PLPPR1: variants seen among roughly 807,000 people sequenced by gnomAD.
PLPPR1 encodes phospholipid phosphatase-related protein type 1.
In PLPPR1, 10 loss-of-function variants were observed where a neutral mutation model predicts 33.1. The observed-to-expected ratio is 0.30, with a 90% CI of 0.19 to 0.51. PLPPR1 has a LOEUF of 0.51. Among genes scored for constraint, PLPPR1 ranks in the 20% least tolerant of loss-of-function variants. PLPPR1 has a pLI of 0.97. For synonymous variants in PLPPR1, 151 were observed against 151.0 expected (o/e 1.00, Z 0.00); for missense variants, 304 against 408.1 (o/e 0.74, Z 2.20).
At position 101,272,750 on chromosome 9, in the gene PLPPR1, A is replaced by G. The variant is rs190707818; in HGVS notation, c.252+2682A>G. Among the ~76,000 whole-genome samples, 80 of 152,350 alleles carry G rather than the reference A, an allele frequency of 5.3e-4. No homozygotes were observed. The South Asian group carries it at 8.3e-3, about 16-fold the overall frequency. Reference sequence around the variant, plus strand: ...TTAAAGGATACAGCATTTTTCTCATATAAAATTGGCAAATGTTTTCAAAGA... The same window carrying G: ...TTAAAGGATACAGCATTTTTCTCATGTAAAATTGGCAAATGTTTTCAAAGA... On this transcript the variant is annotated intron_variant, in intron 3 of 7. Coordinates refer to ENST00000374874, the MANE Select transcript of PLPPR1 (RefSeq NM_207299.2).
At chr9:101,109,108 G>A (rs1463802491) in intron 1 of PLPPR1, among the ~76,000 whole-genome samples, 60 of 146,388 alleles carry the variant, frequency 4.1e-4, no homozygotes, top group South Asian at 1.3e-3. Flanking sequence ...ACAGGCGCCC[G>A]CCACCACGCC....
chr9:101,111,954 C>T (rs1183289179), intron 1 of PLPPR1, among the ~76,000 whole-genome samples: 2 of 152,124 alleles, frequency 1.3e-5, no homozygotes, highest in South Asian at 2.1e-4. Flanking sequence ...ATAGATACAG[C>T]GTTGCTTCAG....
intron 4 of PLPPR1, among the ~76,000 whole-genome samples, chr9:101,288,877 GC>G (rs1284706278): frequency 6.6e-6 from 1 of 152,112 alleles, no homozygotes; most frequent in Admixed American, 6.5e-5. Context: ...ATTCACCCCA[GC>G]CCCACAAAGC....
intron 1 of PLPPR1, among the ~76,000 whole-genome samples, chr9:101,068,537 C>G (rs1324143948): frequency 6.6e-6 from 1 of 151,922 alleles, no homozygotes; most frequent in Non-Finnish European, 1.5e-5. Flanking sequence ...TGAGATTGCT[C>G]TAATGCTGAA....
At chr9:101,134,560 T>A (rs1831355021) in intron 1 of PLPPR1, among the ~76,000 whole-genome samples, 1 of 151,960 alleles carries the variant, frequency 6.6e-6, no homozygotes, top group Non-Finnish European at 1.5e-5. Context: ...ATTTTTTATT[T>A]TTTTGTAGAG....
chr9:101,181,034 C>T (rs1826100791), intron 1 of PLPPR1, among the ~76,000 whole-genome samples: 1 of 150,558 alleles, frequency 6.6e-6, no homozygotes, highest in Non-Finnish European at 1.5e-5. Context: ...AACTCAATAG[C>T]AATAAAACAA....
At chr9:101,237,819 A>G (rs1186753000) in intron 2 of PLPPR1, among the ~76,000 whole-genome samples, 3 of 88,548 alleles carry the variant, frequency 3.4e-5, no homozygotes, top group Non-Finnish European at 6.5e-5. Flanking sequence ...TTGTGTGCAT[A>G]TATATATATA....
intron 1 of PLPPR1, among the ~76,000 whole-genome samples, chr9:101,154,801 G>T (rs1012895412): frequency 1.3e-5 from 2 of 152,040 alleles, no homozygotes; most frequent in East Asian, 1.9e-4. Context: ...ATGAGTTCAT[G>T]TCCTTTGTAG....
At chr9:101,110,591 T>C (rs1459619129) in intron 1 of PLPPR1, among the ~76,000 whole-genome samples, 3 of 152,168 alleles carry the variant, frequency 2.0e-5, no homozygotes, top group Admixed American at 6.5e-5. Flanking sequence ...TCCAGGCCAC[T>C]AAATCTAGTA....
At chr9:101,056,605 A>G (rs1427838126) in intron 1 of PLPPR1, among the ~76,000 whole-genome samples, 1 of 152,204 alleles carries the variant, frequency 6.6e-6, no homozygotes, top group Non-Finnish European at 1.5e-5. Flanking sequence ...CCAGAATATT[A>G]TGAAAATGCA....
intron 2 of PLPPR1, among the ~76,000 whole-genome samples, chr9:101,229,562 G>A (rs1235895929): frequency 1.3e-5 from 2 of 151,918 alleles, no homozygotes; most frequent in African/African-American, 4.8e-5. Context: ...ATTTCATGCT[G>A]TATTTCACAG....
At chr9:101,060,814 C>T (rs1391360648) in intron 1 of PLPPR1, among the ~76,000 whole-genome samples, 1 of 151,852 alleles carries the variant, frequency 6.6e-6, no homozygotes, top group East Asian at 1.9e-4. Context: ...TATTAAAACA[C>T]TTTCAAAATT....
chr9:101,064,170 T>C (rs1334696009), intron 1 of PLPPR1, among the ~76,000 whole-genome samples: 5 of 152,110 alleles, frequency 3.3e-5, no homozygotes, highest in Non-Finnish European at 7.4e-5. Context: ...CAACTCATTC[T>C]TGAATTATTT....
intron 6 of PLPPR1, among the ~76,000 whole-genome samples, chr9:101,314,518 C>A (rs1458020670): frequency 6.6e-6 from 1 of 151,800 alleles, no homozygotes; most frequent in Non-Finnish European, 1.5e-5. Flanking sequence ...AAGCTAGGCA[C>A]ACAATTTTTT....
At chr9:101,283,272 T>A (rs886504052) in intron 3 of PLPPR1, among the ~76,000 whole-genome samples, 2 of 152,186 alleles carry the variant, frequency 1.3e-5, no homozygotes, top group Admixed American at 1.3e-4. Context: ...CTAAATATAC[T>A]ACAAGGCTAT....
At chr9:101,158,123 G>T (rs1221025957) in intron 1 of PLPPR1, among the ~76,000 whole-genome samples, 1 of 152,150 alleles carries the variant, frequency 6.6e-6, no homozygotes, top group South Asian at 2.1e-4. Context: ...AAAAGTGTTA[G>T]TTGGGTTTGG....
intron 2 of PLPPR1, among the ~76,000 whole-genome samples, chr9:101,207,465 T>C (rs988540842): frequency 1.3e-5 from 2 of 152,090 alleles, no homozygotes; most frequent in African/African-American, 4.8e-5. Context: ...CTCTGAACAA[T>C]TGGGTATTCT....
In PLPPR1 at chr9:101,094,271, G is replaced by A. The variant is rs185750330; in HGVS notation, c.-46+65169G>A. 2.5e-3 allele frequency among the ~76,000 whole-genome samples: 385 copies of A among 152,150 alleles called. 1 individual carries two copies. Among genetic ancestry groups the A allele is most frequent in the Non-Finnish European group, 4.0e-3 (271 of 67,994 alleles). The stretch of plus-strand genomic sequence containing the variant: ...TGGTTCTAACCTTCCTCTATAGCTC[G>A]CATTTTTTCTATTCTCTGTATAGTA... On this transcript the variant is annotated intron_variant, in intron 1 of 7. Transcript: ENST00000374874.
chr9:101,225,721 C>T (rs1487510086), intron 2 of PLPPR1, among the ~76,000 whole-genome samples: 1 of 141,498 alleles, frequency 7.1e-6, no homozygotes, highest in African/African-American at 2.6e-5. Flanking sequence ...AGCATTATCC[C>T]CCCGCCCCCC....
Sources: allele counts gnomAD v4.1 joint callset (sites outside exome capture counted in the v4.1 genomes callset), GRCh38; gene constraint gnomAD v4.1.1; transcripts MANE v1.5; gene names NCBI Gene and HGNC (gene_info 2026-07-23, HGNC 2026-07-21).